Variants in ROBO2 observed in about 807,000 individuals in gnomAD.
The protein encoded by ROBO2 is roundabout guidance receptor 2.
In ROBO2, 53 loss-of-function variants were observed where a neutral mutation model predicts 160.8. The observed-to-expected ratio is 0.33, with a 90% CI of 0.26 to 0.41. The LOEUF (loss-of-function observed/expected upper bound fraction) is 0.41, where lower values mean the gene tolerates loss of function less well. Ranked by LOEUF, ROBO2 falls within the 10% of genes least tolerant of loss-of-function variation. ROBO2 has a pLI of 1.00. For missense variants in ROBO2, 1,577 were observed against 1,722.4 expected, an observed-to-expected ratio of 0.92 and a Z score of 1.49; for synonymous variants, 664 against 611.7, an observed-to-expected ratio of 1.09 and a Z score of -1.26.
chr3:75,999,575 T>G (rs916240935), intron 2 of ROBO2, among the ~76,000 whole-genome samples: 1 of 152,196 alleles, frequency 6.6e-6, no homozygotes, highest in African/African-American at 2.4e-5. Flanking sequence ...TTTTTAACTT[T>G]GTCCTAAAGA....
At chr3:77,469,671 C>A (rs1001688270) in intron 2 of ROBO2, among the ~76,000 whole-genome samples, 7 of 152,092 alleles carry the variant, frequency 4.6e-5, no homozygotes, top group Non-Finnish European at 1.0e-4. Context: ...AACTGTCTGG[C>A]TTTTATTTTA....
intron 2 of ROBO2, among the ~76,000 whole-genome samples, chr3:77,350,202 A>C (rs1239246804): frequency 1.3e-5 from 2 of 151,812 alleles, no homozygotes; most frequent in African/African-American, 4.8e-5. Flanking sequence ...TGAGCCCAGG[A>C]GTTCAAGACC....
chr3:77,128,436 G>A (rs76857205), intron 2 of ROBO2, among the ~76,000 whole-genome samples: 2,828 of 152,204 alleles, frequency 0.019, 70 homozygotes, highest in African/African-American at 0.063. Context: ...GGGGGTTTTC[G>A]AATGTATCCC....
At chr3:76,167,115 A>G (rs1024474593) in intron 2 of ROBO2, among the ~76,000 whole-genome samples, 8 of 151,824 alleles carry the variant, frequency 5.3e-5, no homozygotes, top group Non-Finnish European at 1.2e-4. Context: ...TAATTTTTTT[A>G]TTTTTAGTAG....
Position 76,622,257 on chromosome 3 carries a change from A to AGAAAGAAAGAAAGAAAGAAAGAAAGAAG in ROBO2, c.110-475730_110-475729insGGAAAGAAAGAAAGAAAGAAAGAAAGAA, listed in dbSNP as rs2089235002. 1.6e-4 allele frequency among the ~76,000 whole-genome samples: 10 copies of AGAAAGAAAGAAAGAAAGAAAGAAAGAAG among 62,118 alleles called. 1 individual carries two copies. Among genetic ancestry groups the AGAAAGAAAGAAAGAAAGAAAGAAAGAAG allele is most frequent in the East Asian group, 1.2e-3 (2 of 1,638 alleles). 40.8% of individuals were successfully genotyped at this position (62,118 alleles called of 152,430 possible). On this transcript the variant is annotated intron_variant, in intron 2 of 26. Transcript: ENST00000487694. ...AAGGAAGAAAGAAAGAAAGAAAGAA[A>AGAAAGAAAGAAAGAAAGAAAGAAAGAAG]GAAAGAAAGAAAGAAAGAAAGAAAG...
intron 23 of ROBO2, chr3:77,630,848 A>C (rs538644408): frequency 6.6e-6 from 1 of 151,934 alleles, no homozygotes; most frequent in Non-Finnish European, 1.5e-5. Context: ...TTAGAAATAC[A>C]GAAAACAGCA....
At chr3:76,486,812 G>T (rs1157352681) in intron 2 of ROBO2, among the ~76,000 whole-genome samples, 3 of 152,172 alleles carry the variant, frequency 2.0e-5, no homozygotes, top group African/African-American at 7.2e-5. Context: ...ATGAATGGAA[G>T]AGCAGACAGG....
At chr3:75,963,730 G>A (rs1949006368) in intron 2 of ROBO2, among the ~76,000 whole-genome samples, 1 of 151,604 alleles carries the variant, frequency 6.6e-6, no homozygotes, top group Admixed American at 6.6e-5. Flanking sequence ...GTAAATCCAA[G>A]GTCAAAGTGC....
At chr3:76,921,070 T>G (rs980301327) in intron 2 of ROBO2, among the ~76,000 whole-genome samples, 1 of 152,144 alleles carries the variant, frequency 6.6e-6, no homozygotes, top group African/African-American at 2.4e-5. Context: ...GTAATAAATT[T>G]TTAGTGAGTC....
intron 2 of ROBO2, among the ~76,000 whole-genome samples, chr3:77,233,563 C>T (rs1483681693): frequency 6.6e-6 from 1 of 152,066 alleles, no homozygotes; most frequent in East Asian, 1.9e-4. Context: ...GATCTAGAAG[C>T]TAGTTGGGAT....
At chr3:76,785,933 C>T (rs2062944728) in intron 2 of ROBO2, among the ~76,000 whole-genome samples, 1 of 151,220 alleles carries the variant, frequency 6.6e-6, no homozygotes, top group African/African-American at 2.4e-5. Context: ...GTATTAGAGT[C>T]AAGTACAGTG....
intron 2 of ROBO2, among the ~76,000 whole-genome samples, chr3:76,106,631 C>T (rs2069946562): frequency 6.6e-6 from 1 of 152,002 alleles, no homozygotes; most frequent in African/African-American, 2.4e-5. Context: ...AACTTGAAAA[C>T]CCATTTTCAA....
chr3:76,494,798 G>A (rs2080049963), intron 2 of ROBO2, among the ~76,000 whole-genome samples: 2 of 152,206 alleles, frequency 1.3e-5, no homozygotes, highest in African/African-American at 4.8e-5. Context: ...AGACAAAAAA[G>A]GACAAATGTC....
At chr3:77,366,894 C>T (rs931632762) in intron 2 of ROBO2, among the ~76,000 whole-genome samples, 2 of 91,438 alleles carry the variant, frequency 2.2e-5, no homozygotes, top group East Asian at 4.2e-4. Flanking sequence ...TCTCACAGCA[C>T]CCCCCCGACA....
intron 2 of ROBO2, among the ~76,000 whole-genome samples, chr3:76,484,857 A>G (rs1350149341): frequency 6.6e-6 from 1 of 152,190 alleles, no homozygotes; most frequent in Non-Finnish European, 1.5e-5. Context: ...TAAAAAAGTT[A>G]CTAATATTGA....
chr3:77,212,628 G>A (rs2084337327), intron 2 of ROBO2, among the ~76,000 whole-genome samples: 1 of 152,162 alleles, frequency 6.6e-6, no homozygotes, highest in Admixed American at 6.5e-5. Flanking sequence ...TAGGAGTGGT[G>A]AGAGAGGGCA....
At chr3:77,413,415 G>A (rs772618589) in intron 2 of ROBO2, among the ~76,000 whole-genome samples, 10 of 152,136 alleles carry the variant, frequency 6.6e-5, no homozygotes, top group Non-Finnish European at 1.2e-4. Flanking sequence ...AGAGCCATGA[G>A]CAGGGGCCAG....
chr3:76,960,710 T>A (rs1331176230), intron 2 of ROBO2, among the ~76,000 whole-genome samples: 1 of 152,152 alleles, frequency 6.6e-6, no homozygotes, highest in Non-Finnish European at 1.5e-5. Flanking sequence ...TGACACATAC[T>A]CTATTTTATG....
chr3:76,201,252 A>G (rs1020915595), intron 2 of ROBO2, among the ~76,000 whole-genome samples: 14 of 152,142 alleles, frequency 9.2e-5, no homozygotes, highest in African/African-American at 2.9e-4. Flanking sequence ...TGAAAATCCA[A>G]TTTTTATACT....
Sources: allele counts gnomAD v4.1 joint callset (sites outside exome capture counted in the v4.1 genomes callset), GRCh38; gene constraint gnomAD v4.1.1; transcripts MANE v1.5; gene names NCBI Gene and HGNC (gene_info 2026-07-23, HGNC 2026-07-21).